Variants in IPO11 observed in about 807,000 individuals in gnomAD.
IPO11 encodes the protein importin 11.
IPO11 carries 66 observed loss-of-function variants against 143.2 expected under a neutral mutation model. The observed-to-expected ratio is 0.46, with a 90% CI of 0.38 to 0.57. The LOEUF is 0.57. Ranked by LOEUF, IPO11 falls within the 20% of genes least tolerant of loss-of-function variation. The pLI is 0.00. For missense variants in IPO11, 1,026 were observed against 1,141.0 expected, an observed-to-expected ratio of 0.90 and a Z score of 1.45; for synonymous variants, 385 against 377.8, an observed-to-expected ratio of 1.02 and a Z score of -0.22.
intron 12 of IPO11, among the ~76,000 whole-genome samples, chr5:62,487,392 C>T (rs1746447529): frequency 6.6e-6 from 1 of 151,056 alleles, no homozygotes; most frequent in South Asian, 2.1e-4. Flanking sequence ...GAGACTGTGT[C>T]TCAAAAAAAA....
At chr5:62,549,813 T>C (rs1194185611) in intron 24 of IPO11, among the ~76,000 whole-genome samples, 1 of 152,232 alleles carries the variant, frequency 6.6e-6, no homozygotes, top group Non-Finnish European at 1.5e-5. Context: ...TTTTCACATG[T>C]AACAATCAAT....
intron 3 of IPO11, 68 bp downstream of exon 3, chr5:62,443,151 C>T: frequency 1.0e-6 from 1 of 992,796 alleles, no homozygotes; most frequent in Admixed American, 2.3e-5. Flanking sequence ...TGTAAGAATA[C>T]TTGTTTATGT....
chr5:62,599,750 T>G (rs1235772937), intron 28 of IPO11, among the ~76,000 whole-genome samples: 2 of 152,222 alleles, frequency 1.3e-5, no homozygotes, highest in Non-Finnish European at 2.9e-5. Context: ...TAAACTGTTG[T>G]GTTTACTGTT....
At chr5:62,566,968 C>G (rs1743965927) in intron 27 of IPO11, among the ~76,000 whole-genome samples, 1 of 152,136 alleles carries the variant, frequency 6.6e-6, no homozygotes, top group Non-Finnish European at 1.5e-5. Context: ...GCTGGGACTA[C>G]AGGCATGGAC....
Position 62,490,280 on chromosome 5 carries a change from A to G in IPO11, c.1463+60A>G, listed in dbSNP as rs899418838. On this transcript the variant is annotated intron_variant, in intron 15 of 29. Coordinates refer to ENST00000325324, the MANE Select transcript of IPO11 (RefSeq NM_016338.5). ...CTTTACCTTATTTATTTTATTAATGAAGACAGGAAGGCATTAAAATGGCTT... is the reference window on the plus strand; with the variant it reads ...CTTTACCTTATTTATTTTATTAATGGAGACAGGAAGGCATTAAAATGGCTT... 1.0e-5 allele frequency: 11 copies of G among 1,099,834 alleles called. No individual in the cohort carries two copies. In the Admixed American group the frequency reaches 1.0e-4, roughly 10 times the overall value. The allele number at this position is 1,099,834 out of a possible 1,614,324, so 68.1% of individuals were successfully genotyped here.
intron 7 of IPO11, among the ~76,000 whole-genome samples, chr5:62,472,879 T>C (rs1021645951): frequency 6.6e-6 from 1 of 152,166 alleles, no homozygotes; most frequent in African/African-American, 2.4e-5. Context: ...AGAAAAGATA[T>C]ATGACAGTGG....
At chr5:62,624,834 A>G (rs1225929207) in intron 29 of IPO11, among the ~76,000 whole-genome samples, 1 of 151,864 alleles carries the variant, frequency 6.6e-6, no homozygotes, top group Non-Finnish European at 1.5e-5. Flanking sequence ...AATAAAAACA[A>G]TTTAACTGGG....
At chr5:62,599,408 C>A (rs949160606) in intron 28 of IPO11, among the ~76,000 whole-genome samples, 1 of 152,136 alleles carries the variant, frequency 6.6e-6, no homozygotes, top group African/African-American at 2.4e-5. Flanking sequence ...ATTTAGACAA[C>A]AAAAATTTTG....
At chr5:62,625,403 G>A (rs1746529562) in intron 29 of IPO11, among the ~76,000 whole-genome samples, 1 of 152,172 alleles carries the variant, frequency 6.6e-6, no homozygotes, top group African/African-American at 2.4e-5. Context: ...GCAATACTGA[G>A]CCACGTGCTC....
chr5:62,568,155 G>A (rs1410854480), intron 27 of IPO11, among the ~76,000 whole-genome samples: 1 of 150,792 alleles, frequency 6.6e-6, no homozygotes, highest in Non-Finnish European at 1.5e-5. Context: ...TTGTAGAGAT[G>A]GGGTTTTGCC....
intron 27 of IPO11, 50 bp from the exon 28 acceptor site, chr5:62,591,527 G>T (rs1340348643): frequency 1.2e-5 from 12 of 1,036,832 alleles, no homozygotes; most frequent in Middle Eastern, 2.2e-4. Flanking sequence ...AAAACAAAAA[G>T]AATTAATCTA....
intron 1 of IPO11, among the ~76,000 whole-genome samples, chr5:62,418,614 T>C (rs941145452): frequency 6.6e-6 from 1 of 152,198 alleles, no homozygotes; most frequent in Non-Finnish European, 1.5e-5. Context: ...CCTTTTAGAT[T>C]GGCAGTTAGT....
intron 2 of IPO11, among the ~76,000 whole-genome samples, chr5:62,438,524 G>A (rs1744320967): frequency 1.3e-5 from 2 of 152,132 alleles, no homozygotes; most frequent in Admixed American, 6.6e-5. Context: ...AGGCCAAGGC[G>A]GGTGGATCAC....
chr5:62,431,936 C>CATAT (rs2112118001), intron 1 of IPO11, among the ~76,000 whole-genome samples: 1 of 77,390 alleles, frequency 1.3e-5, no homozygotes, highest in African/African-American at 3.4e-5. Context: ...GCAAGACTCA[C>CATAT]ATACATACAT....
At chr5:62,560,900 C>A in intron 26 of IPO11, 1 of 318,582 alleles carries the variant, frequency 3.1e-6, no homozygotes, top group Non-Finnish European at 5.8e-6. Context: ...TCATGGGCTA[C>A]ATACATGTTT....
intron 22 of IPO11, among the ~76,000 whole-genome samples, chr5:62,532,943 A>G (rs1271315196): frequency 6.6e-6 from 1 of 152,190 alleles, no homozygotes; most frequent in Non-Finnish European, 1.5e-5. Flanking sequence ...TTAATTTTTA[A>G]AGATTTAAAA....
intron 3 of IPO11, among the ~76,000 whole-genome samples, chr5:62,446,044 A>G (rs536948494): frequency 2.5e-4 from 38 of 152,228 alleles, no homozygotes; most frequent in Non-Finnish European, 4.1e-4. Context: ...AAAGTTGGAA[A>G]GTATAGCATA....
intron 29 of IPO11, among the ~76,000 whole-genome samples, chr5:62,607,013 T>C (rs1387447271): frequency 6.6e-6 from 1 of 152,226 alleles, no homozygotes; most frequent in Non-Finnish European, 1.5e-5. Flanking sequence ...GTTTCTGTAC[T>C]GCTCTTGCCA....
intron 5 of IPO11, among the ~76,000 whole-genome samples, chr5:62,460,144 C>T (rs1349932694): frequency 6.6e-6 from 1 of 151,990 alleles, no homozygotes; most frequent in African/African-American, 2.4e-5. Context: ...CTTTTATCAT[C>T]CTGAAGAAGT....
Sources: allele counts gnomAD v4.1 joint callset (sites outside exome capture counted in the v4.1 genomes callset), GRCh38; gene constraint gnomAD v4.1.1; transcripts MANE v1.5; gene names NCBI Gene and HGNC (gene_info 2026-07-23, HGNC 2026-07-21).